The following DNAJC12 variants were observed in gnomAD, a reference collection of about 807,000 sequenced individuals.
DNAJC12 encodes DnaJ heat shock protein family (Hsp40) member C12, also known as dnaJ homolog subfamily C member 12.
A neutral mutation model predicts 28.5 loss-of-function variants in DNAJC12; 25 were observed. The ratio of observed to expected loss-of-function variants is 0.88; its 90% CI spans 0.64 to 1.22. The LOEUF (loss-of-function observed/expected upper bound fraction) is 1.22, where lower values mean the gene tolerates loss of function less well. Ranked by LOEUF, DNAJC12 falls within the 50% of genes most tolerant of loss-of-function variation. The pLI, the probability that DNAJC12 is intolerant of heterozygous loss-of-function variation, is 0.00. For missense variants in DNAJC12, 222 were observed against 231.7 expected, an observed-to-expected ratio of 0.96 and a Z score of 0.27; for synonymous variants, 77 against 80.6, an observed-to-expected ratio of 0.95 and a Z score of 0.24.
At chr10:67,823,693 C>T (rs1478247798) in intron 1 of DNAJC12, among the ~76,000 whole-genome samples, 6 of 92,002 alleles carry the variant, frequency 6.5e-5, no homozygotes, top group Admixed American at 5.7e-4. Context: ...ACAGCAAGAT[C>T]TTATCTCAAA....
intron 3 of DNAJC12, among the ~76,000 whole-genome samples, chr10:67,808,148 A>G (rs1218562379): frequency 1.3e-5 from 2 of 152,224 alleles, no homozygotes; most frequent in African/African-American, 4.8e-5. Context: ...AACATTTAAC[A>G]TCAAGCGAAC....
chr10:67,832,362 T>A (rs1255172401), intron 1 of DNAJC12, among the ~76,000 whole-genome samples: 3 of 152,006 alleles, frequency 2.0e-5, no homozygotes, highest in African/African-American at 7.2e-5. Flanking sequence ...TAAAACTAGA[T>A]TTTTCCCACA....
chr10:67,811,727 A>G, intron 2 of DNAJC12, 64 bp from the exon 3 acceptor site: 1 of 1,560,580 alleles, frequency 6.4e-7, no homozygotes. Context: ...CTCCAAAACT[A>G]TCCAACTGCT....
chr10:67,835,114 A>G (rs1842129942), intron 1 of DNAJC12, among the ~76,000 whole-genome samples: 2 of 152,210 alleles, frequency 1.3e-5, no homozygotes, highest in Admixed American at 1.3e-4. Flanking sequence ...ACTTTAATCA[A>G]TTTCTAGCAC....
At chr10:67,815,769 A>G (rs1182443622) in intron 2 of DNAJC12, among the ~76,000 whole-genome samples, 1 of 152,134 alleles carries the variant, frequency 6.6e-6, no homozygotes, top group African/African-American at 2.4e-5. Context: ...AGATTTATGT[A>G]TTTATCTGTG....
intron 2 of DNAJC12, among the ~76,000 whole-genome samples, chr10:67,816,776 A>C (rs1841921071): frequency 6.6e-6 from 1 of 152,008 alleles, no homozygotes; most frequent in Non-Finnish European, 1.5e-5. Context: ...CAAACTCCTG[A>C]CCTCATGTGA....
intron 1 of DNAJC12, among the ~76,000 whole-genome samples, chr10:67,827,992 C>G (rs1842054128): frequency 6.6e-6 from 1 of 152,156 alleles, no homozygotes. Context: ...GTGACCACTG[C>G]CAAGTGCAGT....
chr10:67,823,418 T>C, intron 1 of DNAJC12, 26 bp from the exon 2 acceptor site: 1 of 1,605,886 alleles, frequency 6.2e-7, no homozygotes, highest in African/African-American at 1.3e-5. Context: ...GTGTTTAAAA[T>C]AAAGAGTCAT....
At chr10:67,828,424 G>T (rs1564866572) in intron 1 of DNAJC12, among the ~76,000 whole-genome samples, 1 of 152,080 alleles carries the variant, frequency 6.6e-6, no homozygotes, top group African/African-American at 2.4e-5. Flanking sequence ...GGCTGTATTA[G>T]ATAGGCATAT....
rs1158129726 is a variant in DNAJC12 at position 67,837,910 on chromosome 10, T to C, written c.78+24A>G. 3 of 1,505,804 alleles carry C rather than the reference T, an allele frequency of 2.0e-6. No homozygotes were observed. In the African/African-American group the frequency reaches 4.2e-5, roughly 21 times the overall value. The allele number at this position is 1,505,804 out of a possible 1,614,324, so 93.3% of individuals were successfully genotyped here. A position where few individuals can be genotyped will look rare whatever the true frequency, so the allele number is the denominator to read the frequency against. On this transcript the variant is annotated intron_variant, in intron 1 of 4. Transcript: ENST00000225171. ...ATTGTGAAAAAGAATACTGTTGTGA[T>C]AAAAATATTATCCACTGTCTTACCG...
At position 67,805,777 on chromosome 10, in the gene DNAJC12, C is replaced by T. The variant is rs749525737; in HGVS notation, c.308G>A (p.Trp103Ter). The T allele has an allele frequency of 3.1e-6, 5 of 1,587,398 alleles. No homozygotes were observed. Among genetic ancestry groups the T allele is most frequent in the Non-Finnish European group, 4.3e-6 (5 of 1,172,500 alleles). ...LNDSVKTSMH[W>*]VVRGKKDLML... is the part of the protein sequence containing the mutation. Reference sequence around the variant, plus strand: ...CAGGTCTTTTTTACCTCTGACAACCCAGTGCATTGACTAAATTAATGTAAA... The same window carrying T: ...CAGGTCTTTTTTACCTCTGACAACCTAGTGCATTGACTAAATTAATGTAAA... The change falls in exon 4 of 5, where the codon TGG (tryptophan) becomes TAG (stop). Residue 103 changes from tryptophan to a stop codon, truncating the protein, a stop_gained. Coordinates refer to ENST00000225171, the MANE Select transcript of DNAJC12 (RefSeq NM_021800.3). LOFTEE classifies it high-confidence loss of function.
intron 3 of DNAJC12, among the ~76,000 whole-genome samples, chr10:67,808,842 T>C (rs1339263649): frequency 1.3e-5 from 2 of 152,196 alleles, no homozygotes; most frequent in African/African-American, 4.8e-5. Context: ...TTAAGACAGA[T>C]TGCCTTTTGA....
intron 4 of DNAJC12, among the ~76,000 whole-genome samples, chr10:67,805,161 T>TTTAAA (rs1841786066): frequency 6.6e-6 from 1 of 152,166 alleles, no homozygotes; most frequent in African/African-American, 2.4e-5. Flanking sequence ...GCTGTATGGC[T>TTTAAA]TTAAGCAAAT....
chr10:67,796,892 T>C lies in DNAJC12; in HGVS notation c.*224A>G, dbSNP rs1589599358. The C allele has an allele frequency of 9.2e-6, 4 of 436,798 alleles. No homozygotes were observed. The East Asian group carries it at 1.5e-4, about 17-fold the overall frequency. 27.1% of individuals were successfully genotyped at this position (436,798 alleles called of 1,614,324 possible). On this transcript the variant is annotated 3_prime_UTR_variant, in exon 5 of 5. Transcript: ENST00000225171. ...AGCATATAATACAATCTACTCTGTA[T>C]CTAAGAGCTTTAATTTATTCAAATA... is the stretch of plus-strand genomic sequence containing the variant.
chr10:67,821,210 C>T (rs776527671), intron 2 of DNAJC12, among the ~76,000 whole-genome samples: 1 of 151,998 alleles, frequency 6.6e-6, no homozygotes, highest in Non-Finnish European at 1.5e-5. Context: ...ATATAGTAAA[C>T]ATAACTATCA....
rs745605154 is a variant in DNAJC12, at chr10:67,797,223, G to T, written c.503-13C>A. 8.7e-6 allele frequency: 14 copies of T among 1,608,506 alleles called. No individual in the cohort carries two copies. The highest frequency in any genetic ancestry group is 1.1e-5 in the Non-Finnish European group (13 of 1,176,498). ...ACATCTGCAAAACCTTTAAAGGAAAGAAAGTAAATATTTAAAATCAGAAGT... is the reference window on the plus strand; with the variant it reads ...ACATCTGCAAAACCTTTAAAGGAAATAAAGTAAATATTTAAAATCAGAAGT... On this transcript the variant is annotated splice_polypyrimidine_tract_variant and intron_variant, in intron 4 of 4. Transcript: ENST00000225171.
intron 1 of DNAJC12, chr10:67,833,652 C>T (rs1842115549): frequency 7.4e-6 from 2 of 268,876 alleles, no homozygotes; most frequent in Admixed American, 8.9e-5. Flanking sequence ...GTGGTTTGTG[C>T]TTGCGATCGG....
chr10:67,804,923 T>A (rs551229811), intron 4 of DNAJC12, among the ~76,000 whole-genome samples: 1 of 152,196 alleles, frequency 6.6e-6, no homozygotes, highest in Non-Finnish European at 1.5e-5. Context: ...TCCCAGCTAC[T>A]GGGGAATCTG....
At chr10:67,805,200 C>T (rs1841786464) in intron 4 of DNAJC12, among the ~76,000 whole-genome samples, 3 of 152,078 alleles carry the variant, frequency 2.0e-5, no homozygotes, top group South Asian at 2.1e-4. Flanking sequence ...TTGGTTTTCT[C>T]ATCTATAAAA....
Sources: allele counts gnomAD v4.1 joint callset (sites outside exome capture counted in the v4.1 genomes callset), GRCh38; gene constraint gnomAD v4.1.1; transcripts MANE v1.5; gene names NCBI Gene and HGNC (gene_info 2026-07-23, HGNC 2026-07-21).